Variants in PDXDC1 observed in about 807,000 individuals in gnomAD.
PDXDC1 encodes pyridoxal dependent decarboxylase domain containing 1.
A neutral mutation model predicts 100.1 loss-of-function variants in PDXDC1; 42 were observed. The ratio of observed to expected loss-of-function variants is 0.42; its 90% confidence interval spans 0.33 to 0.54. The LOEUF is 0.54. Among genes scored for constraint, PDXDC1 ranks in the 20% least tolerant of loss-of-function variants. PDXDC1 has a pLI of 0.10. For missense variants in PDXDC1, 636 were observed against 979.2 expected (o/e 0.65, Z 4.68); for synonymous variants, 260 against 371.7 (o/e 0.70, Z 3.46).
At chr16:15,080,642 G>A (rs2045659570) in intron 16 of PDXDC1, among the ~76,000 whole-genome samples, 1 of 152,094 alleles carries the variant, frequency 6.6e-6, no homozygotes, top group Non-Finnish European at 1.5e-5. Flanking sequence ...TGTTGCCCAG[G>A]CTGGTCTTCA....
chr16:15,079,656 G>C (rs1425807242), intron 16 of PDXDC1, among the ~76,000 whole-genome samples: 1 of 151,230 alleles, frequency 6.6e-6, no homozygotes, highest in South Asian at 2.1e-4. Flanking sequence ...GCAGTGGCAC[G>C]ATCTCAGCTC....
intron 8 of PDXDC1, among the ~76,000 whole-genome samples, chr16:15,011,848 G>A (rs2041325116): frequency 6.6e-6 from 1 of 152,196 alleles, no homozygotes; most frequent in Non-Finnish European, 1.5e-5. Flanking sequence ...ATTTTTAGTA[G>A]AGACGAGATT....
Position 15,128,781 on chromosome 16 carries a change from T to C in PDXDC1, c.1400-10098T>C, listed in dbSNP as rs1440822847. Among the ~76,000 whole-genome samples the C allele has an allele frequency of 1.3e-5, 2 of 149,730 alleles. 1 individual carries two copies. Among genetic ancestry groups the C allele is most frequent in the African/African-American group, 4.9e-5 (2 of 40,782 alleles). ...AAGCGTGAAGCTGTGTCACCTCCTC[T>C]CCCAGTGACAGACCCAGGTGACAGT... On this transcript the variant is annotated intron_variant, in intron 16 of 16. Transcript: ENST00000535621.
At position 15,137,969 on chromosome 16, in the gene PDXDC1, G is replaced by T; in HGVS notation, c.1400-910G>T. Reference sequence around the variant, plus strand: ...TTGGGGACCAGGTCTGGTGGGAAGGGTCTATGCCAGCCCCCCACTGGCAAC... The same window carrying T: ...TTGGGGACCAGGTCTGGTGGGAAGGTTCTATGCCAGCCCCCCACTGGCAAC... On this transcript the variant is annotated intron_variant, in intron 16 of 16. Coordinates refer to the PDXDC1 transcript ENST00000535621. 1.2e-5 allele frequency: 8 copies of T among 691,854 alleles called. No homozygotes were observed. The South Asian group carries it at 1.2e-4, about 11-fold the overall frequency. The allele number at this position is 691,854 out of a possible 1,614,324, so 42.9% of individuals were successfully genotyped here.
intron 12 of PDXDC1, among the ~76,000 whole-genome samples, chr16:15,020,668 GAAACTCAGTCTTTT>G (rs2042125305): frequency 1.3e-5 from 2 of 151,796 alleles, no homozygotes; most frequent in Admixed American, 1.3e-4. Context: ...CAGCCAGAGC[GAAACTCAGTCTTTT>G]AAAAAAAGAA....
chr16:15,132,940 C>G (rs1284916698), intron 16 of PDXDC1: 3 of 1,575,242 alleles, frequency 1.9e-6, no homozygotes, highest in Admixed American at 1.7e-5. Context: ...CCAGCAGATG[C>G]CCACGACTCC....
chr16:14,985,478 G>A (rs981094340), intron 1 of PDXDC1, among the ~76,000 whole-genome samples: 4 of 152,150 alleles, frequency 2.6e-5, no homozygotes, highest in African/African-American at 9.7e-5. Flanking sequence ...TAGTAGAGAC[G>A]GGGTTTCTAC....
intron 16 of PDXDC1, among the ~76,000 whole-genome samples, chr16:15,088,817 G>C: frequency 6.6e-6 from 1 of 152,120 alleles, no homozygotes; most frequent in Non-Finnish European, 1.5e-5. Flanking sequence ...ATAGACCATG[G>C]GGGGCCTTGT....
chr16:15,124,327 C>G (rs1389885308), intron 16 of PDXDC1, among the ~76,000 whole-genome samples: 1 of 152,214 alleles, frequency 6.6e-6, no homozygotes, highest in Non-Finnish European at 1.5e-5. Flanking sequence ...CTCTCTCAGG[C>G]CTCTGGCAGC....
intron 16 of PDXDC1, among the ~76,000 whole-genome samples, chr16:15,101,497 G>A (rs2046548249): frequency 6.6e-6 from 1 of 151,738 alleles, no homozygotes; most frequent in African/African-American, 2.4e-5. Flanking sequence ...TTGTAGAGAT[G>A]GGGTTAGTAG....
At chr16:15,131,215 C>T (rs756987166) in intron 16 of PDXDC1, 88 of 1,590,208 alleles carry the variant, frequency 5.5e-5, no homozygotes, top group South Asian at 2.9e-4. Context: ...GCGGTGGCCC[C>T]GGGCAGCCCA....
At chr16:15,072,134 T>C (rs58923875) in intron 16 of PDXDC1, among the ~76,000 whole-genome samples, 1 of 151,958 alleles carries the variant, frequency 6.6e-6, no homozygotes, top group East Asian at 1.9e-4. Context: ...GGCACACCCA[T>C]GTGGGCAGAC....
intron 14 of PDXDC1, among the ~76,000 whole-genome samples, chr16:15,028,576 C>T (rs564073148): frequency 1.5e-4 from 23 of 152,406 alleles, no homozygotes; most frequent in African/African-American, 4.8e-4. Flanking sequence ...AGACCTCGCA[C>T]GGTGCTTGGT....
At chr16:15,040,042 A>C (rs1475646648), downstream of PDXDC1, 2 of 1,610,018 alleles carry the variant, frequency 1.2e-6, no homozygotes, top group Non-Finnish European at 1.7e-6. Context: ...TGCTCTGTAA[A>C]TCTCTGCAGT....
chr16:15,022,266 A>G (rs2042263035), intron 12 of PDXDC1, among the ~76,000 whole-genome samples: 1 of 152,294 alleles, frequency 6.6e-6, no homozygotes, highest in Non-Finnish European at 1.5e-5. Context: ...TAGACAGGTT[A>G]CATAGCTGGT....
At chr16:14,990,882 A>G (rs1293036074) in intron 1 of PDXDC1, among the ~76,000 whole-genome samples, 6 of 152,264 alleles carry the variant, frequency 3.9e-5, no homozygotes, top group Admixed American at 1.3e-4. Context: ...CTAGGACTAC[A>G]GGCATACGTG....
intron 1 of PDXDC1, chr16:14,990,190 G>C (rs1970433531): frequency 8.6e-7 from 1 of 1,167,198 alleles, no homozygotes; most frequent in Non-Finnish European, 1.1e-6. Context: ...AAGGGCGCGA[G>C]GGCGGCCGCC....
intron 16 of PDXDC1, among the ~76,000 whole-genome samples, chr16:15,132,005 G>T (rs1160459782): frequency 9.7e-5 from 1 of 10,318 alleles, no homozygotes; most frequent in African/African-American, 4.1e-4. Context: ...ATAAGGGAGG[G>T]GAAGGGGGAT....
intron 16 of PDXDC1, chr16:15,132,901 T>C (rs2048176075): frequency 6.3e-7 from 1 of 1,590,876 alleles, no homozygotes. Flanking sequence ...CACAGCAAGC[T>C]GTCAGCAGGG....
Sources: allele counts gnomAD v4.1 joint callset (sites outside exome capture counted in the v4.1 genomes callset), GRCh38; gene constraint gnomAD v4.1.1; transcripts MANE v1.5; gene names NCBI Gene and HGNC (gene_info 2026-07-23, HGNC 2026-07-21).